BABAM2: variants seen among roughly 807,000 people sequenced by gnomAD.
The protein encoded by BABAM2 is BRISC and BRCA1 A complex member 2.
In BABAM2, 31 loss-of-function variants were observed where a neutral mutation model predicts 54.7. The ratio of observed to expected loss-of-function variants is 0.57; its 90% CI spans 0.43 to 0.77. BABAM2 has a LOEUF of 0.77. Among genes scored for constraint, BABAM2 ranks in the 30% least tolerant of loss-of-function variants. The probability of loss-of-function intolerance (pLI) is 0.00; values close to 1 mark genes in which losing one functional copy is unlikely to be tolerated. For missense variants in BABAM2, 364 were observed against 455.8 expected (o/e 0.80, Z 1.83); for synonymous variants, 167 against 162.9 (o/e 1.03, Z -0.19).
intron 10 of BABAM2, among the ~76,000 whole-genome samples, chr2:28,250,520 A>T (rs926705324): frequency 6.6e-6 from 1 of 151,124 alleles, no homozygotes; most frequent in Non-Finnish European, 1.5e-5. Context: ...TATATATGTT[A>T]TAATATAAAC....
At chr2:28,244,708 G>A (rs1291626678) in intron 9 of BABAM2, 72 bp from the exon 10 acceptor site, 1 of 1,369,862 alleles carries the variant, frequency 7.3e-7, no homozygotes, top group Non-Finnish European at 1.0e-6. Context: ...TTCTTTACTT[G>A]GTTTTATTGC....
At chr2:28,057,005 A>G (rs1678484327) in intron 6 of BABAM2, among the ~76,000 whole-genome samples, 1 of 152,192 alleles carries the variant, frequency 6.6e-6, no homozygotes, top group Non-Finnish European at 1.5e-5. Flanking sequence ...AGGAATGCGT[A>G]TATCATATTA....
In BABAM2 at chr2:28,322,539, C is replaced by A. The variant is rs1690107880; in HGVS notation, c.1089-15911C>A. ...CCCCAGAAGTGCTGCTGGGCCAAGC[C>A]CTGCCTTGAACAAGATCCTGAGGTC... On this transcript the variant is annotated intron_variant, in intron 11 of 11. Transcript: ENST00000379624. This position sits in a 1 kb window ranked among gnomAD's most constrained non-coding sequence, Gnocchi z 4.1. 6.6e-6 allele frequency among the ~76,000 whole-genome samples: 1 copy of A among 152,234 alleles called. No homozygotes were observed. Among genetic ancestry groups the A allele is most frequent in the Non-Finnish European group, 1.5e-5 (1 of 68,044 alleles).
intron 6 of BABAM2, among the ~76,000 whole-genome samples, chr2:28,089,206 C>T (rs1461073544): frequency 5.9e-5 from 9 of 152,228 alleles, no homozygotes; most frequent in Admixed American, 4.6e-4. Flanking sequence ...CCATTGTTTA[C>T]ATAAGGCTGG....
At chr2:28,187,316 C>A (rs1252728567) in intron 7 of BABAM2, among the ~76,000 whole-genome samples, 1 of 152,126 alleles carries the variant, frequency 6.6e-6, no homozygotes, top group African/African-American at 2.4e-5. Context: ...AGGGCAGGAG[C>A]CATGTTGGTT....
chr2:27,892,799 TGA>T (rs1289926785), intron 1 of BABAM2, among the ~76,000 whole-genome samples: 2 of 152,166 alleles, frequency 1.3e-5, no homozygotes, highest in African/African-American at 4.8e-5. Flanking sequence ...TACTTTGAAA[TGA>T]GAGACTAGTC....
At chr2:28,254,629 C>T (rs1683804634) in intron 10 of BABAM2, among the ~76,000 whole-genome samples, 1 of 152,052 alleles carries the variant, frequency 6.6e-6, no homozygotes, top group South Asian at 2.1e-4. Context: ...TTCTATCCTG[C>T]CTCCTTTTTA....
chr2:28,051,606 A>G (rs940685039), intron 6 of BABAM2, among the ~76,000 whole-genome samples: 3 of 151,966 alleles, frequency 2.0e-5, no homozygotes, highest in African/African-American at 7.3e-5. Context: ...GAATTGTCGT[A>G]TATGTAGAAG....
At chr2:28,041,062 T>G (rs1333453985) in intron 5 of BABAM2, among the ~76,000 whole-genome samples, 2 of 152,340 alleles carry the variant, frequency 1.3e-5, no homozygotes, top group South Asian at 4.1e-4. Flanking sequence ...TGGACTAAAA[T>G]AACTAGCAGT....
chr2:27,964,501 A>C (rs908885581), intron 3 of BABAM2, among the ~76,000 whole-genome samples: 1 of 152,184 alleles, frequency 6.6e-6, no homozygotes, highest in East Asian at 1.9e-4. Context: ...GCAAAAGCTA[A>C]CCCAGTCTTG....
intron 11 of BABAM2, among the ~76,000 whole-genome samples, chr2:28,300,651 G>A (rs1572373849): frequency 6.6e-6 from 1 of 152,148 alleles, no homozygotes; most frequent in African/African-American, 2.4e-5. Context: ...ATGTGTGTGT[G>A]TGTGTTTCCT....
chr2:27,902,038 A>G (rs995735927), intron 2 of BABAM2, among the ~76,000 whole-genome samples: 3 of 152,122 alleles, frequency 2.0e-5, no homozygotes, highest in Non-Finnish European at 4.4e-5. Context: ...TTTGTATTCC[A>G]TTGTGTGAAT....
chr2:28,041,966 G>C (rs111708599), intron 5 of BABAM2, among the ~76,000 whole-genome samples: 29 of 152,150 alleles, frequency 1.9e-4, no homozygotes, highest in Non-Finnish European at 8.8e-5. Context: ...GAGAGGTGGT[G>C]AAAAGTGGTT....
chr2:27,952,653 A>G (rs1003930688), intron 3 of BABAM2, among the ~76,000 whole-genome samples: 1 of 152,196 alleles, frequency 6.6e-6, no homozygotes, highest in East Asian at 1.9e-4. Flanking sequence ...AGAAGTTGGC[A>G]TAAGACCTTT....
intron 7 of BABAM2, among the ~76,000 whole-genome samples, chr2:28,136,974 A>G (rs1219282138): frequency 6.6e-6 from 1 of 152,220 alleles, no homozygotes; most frequent in African/African-American, 2.4e-5. Context: ...ATATATTGGT[A>G]TATGTGATTT....
chr2:28,003,132 T>A (rs1347528949), intron 4 of BABAM2, among the ~76,000 whole-genome samples: 1 of 152,172 alleles, frequency 6.6e-6, no homozygotes, highest in African/African-American at 2.4e-5. Flanking sequence ...GTTTACTGAT[T>A]TGGGAGTGGG....
At chr2:28,193,692 G>A (rs1205621107) in intron 7 of BABAM2, among the ~76,000 whole-genome samples, 2 of 152,164 alleles carry the variant, frequency 1.3e-5, no homozygotes, top group Non-Finnish European at 2.9e-5. Flanking sequence ...GTTACGTCAC[G>A]ATGTAACTTC....
intron 3 of BABAM2, among the ~76,000 whole-genome samples, chr2:27,971,179 T>C (rs1051054262): frequency 6.6e-5 from 10 of 152,170 alleles, no homozygotes; most frequent in Admixed American, 6.5e-4. Flanking sequence ...AAAAACATTT[T>C]GCCCAGTGTT....
chr2:28,165,077 G>C (rs1372488436), intron 7 of BABAM2, among the ~76,000 whole-genome samples: 1 of 152,152 alleles, frequency 6.6e-6, no homozygotes, highest in African/African-American at 2.4e-5. Flanking sequence ...TACGGTTCTG[G>C]GTGCAGAGGA....
Sources: gnomAD v4.1 joint callset for allele counts (sites outside exome capture counted in the v4.1 genomes callset) on GRCh38, gnomAD v4.1.1 for gene constraint, Gnocchi (gnomAD v3.1) non-coding constraint, MANE v1.5 for transcripts, NCBI Gene and HGNC (gene_info 2026-07-23, HGNC 2026-07-21) for gene names.